The following ITK variants were observed in gnomAD, a reference collection of about 807,000 sequenced individuals.
ITK encodes the protein IL2 inducible T cell kinase.
In ITK, 45 loss-of-function variants were observed where a neutral mutation model predicts 87.6. That is an observed-to-expected ratio of 0.51 (90% confidence interval 0.40 to 0.66). The LOEUF (loss-of-function observed/expected upper bound fraction) is 0.66, where lower values mean the gene tolerates loss of function less well. ITK is among the 30% of genes least tolerant of loss of function. The pLI, the probability that ITK is intolerant of heterozygous loss-of-function variation, is 0.00. For synonymous variants in ITK, 303 were observed against 273.6 expected (o/e 1.11, Z -1.06); for missense variants, 605 against 766.3 (o/e 0.79, Z 2.48).
chr5:157,219,304 A>G (rs1754365469), intron 5 of ITK, among the ~76,000 whole-genome samples: 1 of 151,644 alleles, frequency 6.6e-6, no homozygotes. Context: ...ATAGAGACCG[A>G]CTTTTACCAT....
chr5:157,236,456 A>C (rs1754777268), intron 8 of ITK, among the ~76,000 whole-genome samples: 1 of 152,250 alleles, frequency 6.6e-6, no homozygotes, highest in Non-Finnish European at 1.5e-5. Context: ...GTGTGTACAC[A>C]GATATGTGCC....
chr5:157,206,175 G>A (rs1428297130), intron 1 of ITK, among the ~76,000 whole-genome samples: 7 of 151,862 alleles, frequency 4.6e-5, no homozygotes, highest in African/African-American at 7.2e-5. Context: ...GGCTGGTCTC[G>A]AACCCCTGGG....
intron 11 of ITK, among the ~76,000 whole-genome samples, chr5:157,243,379 A>G (rs1273890250): frequency 6.6e-6 from 1 of 152,180 alleles, no homozygotes; most frequent in African/African-American, 2.4e-5. Flanking sequence ...TTTGATTAAT[A>G]TGGTTTCTTT....
In ITK at chr5:157,217,381, T is replaced by C. The variant is rs116123634; in HGVS notation, c.455-486T>C. On this transcript the variant is annotated intron_variant, in intron 4 of 16. Transcript: ENST00000422843. ...ATGCCTTAAGGCAACTAAAAGTGGATCCCAGCCCACTCAAAAAGCAGCACA... is the reference window on the plus strand; with the variant it reads ...ATGCCTTAAGGCAACTAAAAGTGGACCCCAGCCCACTCAAAAAGCAGCACA... Among the ~76,000 whole-genome samples the C allele has an allele frequency of 2.6e-3, 389 of 152,130 alleles. 3 individuals are homozygous for C. Among genetic ancestry groups the C allele is most frequent in the African/African-American group, 8.5e-3 (351 of 41,474 alleles).
intron 1 of ITK, among the ~76,000 whole-genome samples, chr5:157,183,674 C>T (rs1753586320): frequency 6.6e-6 from 1 of 152,100 alleles, no homozygotes; most frequent in Non-Finnish European, 1.5e-5. Context: ...TCCTTCTATT[C>T]TGTGGCTAAA....
intron 1 of ITK, among the ~76,000 whole-genome samples, chr5:157,205,768 C>T (rs1045029272): frequency 7.2e-5 from 11 of 152,026 alleles, no homozygotes; most frequent in Admixed American, 2.0e-4. Flanking sequence ...ATTATTTTGA[C>T]GTACGTTCCT....
intron 16 of ITK, among the ~76,000 whole-genome samples, chr5:157,251,407 T>C (rs1470655913): frequency 6.6e-6 from 1 of 152,248 alleles, no homozygotes; most frequent in Non-Finnish European, 1.5e-5. Context: ...AAGTCCTTTA[T>C]CAGATATGTG....
intron 8 of ITK, among the ~76,000 whole-genome samples, chr5:157,235,295 A>T (rs1206928428): frequency 6.6e-6 from 1 of 152,200 alleles, no homozygotes; most frequent in Admixed American, 6.5e-5. Context: ...ACTTACCTAC[A>T]TTTGGGAGCC....
chr5:157,236,497 T>C (rs1443478015), intron 8 of ITK, among the ~76,000 whole-genome samples: 1 of 152,200 alleles, frequency 6.6e-6, no homozygotes, highest in Admixed American at 6.5e-5. Context: ...AGTTGTGGGA[T>C]AGAAGGATTT....
In ITK at chr5:157,245,871, C is replaced by T; in HGVS notation, c.1515-10C>T. On this transcript the variant is annotated splice_polypyrimidine_tract_variant and intron_variant, in intron 14 of 16. Transcript: ENST00000422843. ...AACATTCTGACCTTCTCCCTCCACT[C>T]TCTTCCCAGGTTCGTTCTGGATGAT... is the stretch of plus-strand genomic sequence containing the variant. 1 of 1,612,432 alleles carries T rather than the reference C, an allele frequency of 6.2e-7. No homozygotes were observed. The highest frequency in any genetic ancestry group is 2.2e-5 in the East Asian group (1 of 44,872).
intron 1 of ITK, among the ~76,000 whole-genome samples, chr5:157,184,138 C>T (rs1340545902): frequency 6.9e-6 from 1 of 144,654 alleles, no homozygotes; most frequent in Non-Finnish European, 1.5e-5. Flanking sequence ...CTCTCCTGTG[C>T]CTGTCAATTT....
chr5:157,252,753 A>G lies in ITK; in HGVS notation c.*75A>G, dbSNP rs773795775. 5 of 1,194,520 alleles carry G rather than the reference A, an allele frequency of 4.2e-6. No homozygotes were observed. The highest frequency in any genetic ancestry group is 2.0e-4 in the Middle Eastern group (1 of 4,936). 74.0% of individuals were successfully genotyped at this position (1,194,520 alleles called of 1,614,324 possible). A position where few individuals can be genotyped will look rare whatever the true frequency, so the allele number is the denominator to read the frequency against. On this transcript the variant is annotated 3_prime_UTR_variant, in exon 17 of 17. Transcript: ENST00000422843. ...ATATGTCCTCATTCCATAGAGCATT[A>G]GAAGCTGCCACCAGCCCAGGACCCT...
chr5:157,185,077 T>C (rs394378), intron 1 of ITK, among the ~76,000 whole-genome samples: 15,027 of 152,132 alleles, frequency 0.099, 873 homozygotes, highest in Middle Eastern at 0.14. Flanking sequence ...TTAAAGATGG[T>C]AGGTGGGGAG....
chr5:157,247,206 T>C (rs1424179390), intron 15 of ITK, among the ~76,000 whole-genome samples: 3 of 152,238 alleles, frequency 2.0e-5, no homozygotes. Flanking sequence ...CATTTTAGTC[T>C]ATCCATCTCT....
chr5:157,251,142 A>G (rs1755132463), intron 16 of ITK, among the ~76,000 whole-genome samples: 2 of 152,144 alleles, frequency 1.3e-5, no homozygotes, highest in African/African-American at 2.4e-5. Flanking sequence ...TTACATTCCC[A>G]CCAGCAATGA....
At chr5:157,213,892 A>G (rs967808172) in intron 3 of ITK, among the ~76,000 whole-genome samples, 7 of 152,022 alleles carry the variant, frequency 4.6e-5, no homozygotes, top group Non-Finnish European at 1.0e-4. Context: ...TAACAATCTC[A>G]TTGCATAGTG....
At chr5:157,183,972 G>T (rs13184646) in intron 1 of ITK, among the ~76,000 whole-genome samples, 17,855 of 152,088 alleles carry the variant, frequency 0.12, 1,304 homozygotes, top group East Asian at 0.22. Flanking sequence ...ACTTTAACAT[G>T]GTTTTAGTTC....
chr5:157,245,000 C>T (rs27924), intron 13 of ITK: 92,214 of 172,014 alleles, frequency 0.54, 25,800 homozygotes, highest in East Asian at 0.97. Flanking sequence ...CCGAGGTGGG[C>T]GAATCACGAG....
chr5:157,227,445 G>A lies in ITK; in HGVS notation c.648-851G>A, dbSNP rs141248670. 1.6e-3 allele frequency among the ~76,000 whole-genome samples: 247 copies of A among 152,108 alleles called. 1 individual carries two copies. The highest frequency in any genetic ancestry group is 5.6e-3 in the African/African-American group (234 of 41,490). On this transcript the variant is annotated intron_variant, in intron 6 of 16. Transcript: ENST00000422843. ...CCTGGCTTTATCCTTTTTTTCTCGT[G>A]TTTATACCGTTCATATCTGAAGAAG...
Sources: allele counts gnomAD v4.1 joint callset (sites outside exome capture counted in the v4.1 genomes callset), GRCh38; gene constraint gnomAD v4.1.1; transcripts MANE v1.5; gene names NCBI Gene and HGNC (gene_info 2026-07-23, HGNC 2026-07-21).